SHANK2: variants seen among roughly 807,000 people sequenced by gnomAD.
The protein encoded by SHANK2 is SH3 and multiple ankyrin repeat domains 2, also known as SH3 and multiple ankyrin repeat domains protein 2.
In SHANK2, 43 loss-of-function variants were observed where a neutral mutation model predicts 133.7. That is an observed-to-expected ratio of 0.32 (90% CI 0.25 to 0.41). SHANK2 has a LOEUF of 0.41. Ranked by LOEUF, SHANK2 falls within the 10% of genes least tolerant of loss-of-function variation. The pLI is 1.00. For missense variants in SHANK2, 1,994 were observed against 2,235.8 expected (o/e 0.89, Z 2.18); for synonymous variants, 1,017 against 952.8 (o/e 1.07, Z -1.24).
chr11:70,656,769 C>A (rs1411738012), intron 17 of SHANK2, among the ~76,000 whole-genome samples: 1 of 152,142 alleles, frequency 6.6e-6, no homozygotes, highest in Non-Finnish European at 1.5e-5. Context: ...TCATGAGACT[C>A]CCGATCTGGA....
At chr11:70,743,747 C>T (rs558592369) in intron 14 of SHANK2, among the ~76,000 whole-genome samples, 5 of 152,296 alleles carry the variant, frequency 3.3e-5, no homozygotes, top group African/African-American at 1.2e-4. Flanking sequence ...GCGGGATCCT[C>T]AGATCCTGGT....
chr11:70,930,090 GA>G (rs1171733920), intron 10 of SHANK2, among the ~76,000 whole-genome samples: 1 of 152,230 alleles, frequency 6.6e-6, no homozygotes, highest in Non-Finnish European at 1.5e-5. Context: ...CTATGCTCCA[GA>G]AAATTTTTAT....
At chr11:71,083,980 G>GT (rs1434862532) in intron 8 of SHANK2, among the ~76,000 whole-genome samples, 41 of 9,422 alleles carry the variant, frequency 4.4e-3, no homozygotes, top group Admixed American at 0.037. Context: ...ACTTTTTTTT[G>GT]GGGGGGGGAG....
intron 10 of SHANK2, among the ~76,000 whole-genome samples, chr11:70,933,929 AC>A (rs1565414258): frequency 2.4e-4 from 36 of 150,092 alleles, no homozygotes; most frequent in African/African-American, 8.7e-4. Flanking sequence ...AAACAAACAA[AC>A]AAACAAACAA....
chr11:70,593,051 C>G (rs1024572096), intron 17 of SHANK2, among the ~76,000 whole-genome samples: 3 of 152,210 alleles, frequency 2.0e-5, no homozygotes, highest in African/African-American at 4.8e-5. Flanking sequence ...AAAAACTTCC[C>G]ACGTCTGTCT....
intron 2 of SHANK2, among the ~76,000 whole-genome samples, chr11:71,217,072 T>C (rs905490498): frequency 2.0e-5 from 3 of 151,908 alleles, no homozygotes; most frequent in African/African-American, 7.3e-5. Flanking sequence ...GGTGCATGCC[T>C]CTAAGTCCCA....
chr11:70,525,163 C>A (rs1417416833), intron 17 of SHANK2, among the ~76,000 whole-genome samples: 2 of 152,252 alleles, frequency 1.3e-5, no homozygotes, highest in African/African-American at 4.8e-5. Context: ...GCACCAGCAA[C>A]AGAATCCCAG....
At chr11:70,803,831 C>T (rs1248617681) in intron 13 of SHANK2, among the ~76,000 whole-genome samples, 1 of 150,538 alleles carries the variant, frequency 6.6e-6, no homozygotes, top group African/African-American at 2.4e-5. Flanking sequence ...AAAAAAGGAG[C>T]GTCAGTGGGG....
chr11:70,484,692 C>G (rs189527724), intron 25 of SHANK2, among the ~76,000 whole-genome samples: 1 of 152,322 alleles, frequency 6.6e-6, no homozygotes, highest in East Asian at 1.9e-4. Context: ...GTAAACCCTG[C>G]ACAATACTGT....
chr11:71,247,917 A>T (rs1407850403), intron 1 of SHANK2, among the ~76,000 whole-genome samples: 6 of 152,178 alleles, frequency 3.9e-5, no homozygotes, highest in Admixed American at 1.3e-4. Context: ...TCTGGCAGCC[A>T]ATCGGGGAGC....
chr11:70,933,539 G>A (rs1168050592), intron 10 of SHANK2, among the ~76,000 whole-genome samples: 1 of 152,190 alleles, frequency 6.6e-6, no homozygotes, highest in Non-Finnish European at 1.5e-5. Flanking sequence ...GACTACAGTT[G>A]AGAAAAATAT....
intron 16 of SHANK2, among the ~76,000 whole-genome samples, 193 bp downstream of exon 16, chr11:70,661,403 G>A (rs2061485904): frequency 6.6e-6 from 1 of 152,122 alleles, no homozygotes; most frequent in African/African-American, 2.4e-5. Context: ...AAGGCACAAT[G>A]TGAAGGAACA....
chr11:71,192,709 C>G (rs568301252), intron 2 of SHANK2, among the ~76,000 whole-genome samples: 1 of 152,202 alleles, frequency 6.6e-6, no homozygotes, highest in African/African-American at 2.4e-5. Flanking sequence ...TCAGTCATTA[C>G]TGGAATATTC....
chr11:70,579,201 C>A (rs1209255406), intron 17 of SHANK2, among the ~76,000 whole-genome samples: 1 of 152,212 alleles, frequency 6.6e-6, no homozygotes, highest in Non-Finnish European at 1.5e-5. Context: ...CCCAGTCCAA[C>A]CCTGCCCTGT....
intron 10 of SHANK2, among the ~76,000 whole-genome samples, chr11:70,918,044 T>A (rs1422699800): frequency 1.5e-5 from 2 of 133,314 alleles, no homozygotes; most frequent in African/African-American, 2.9e-5. Context: ...TTTTTTTTTT[T>A]AAATAAGGCC....
intron 17 of SHANK2, among the ~76,000 whole-genome samples, chr11:70,515,667 A>G (rs1330392568): frequency 5.4e-5 from 8 of 147,296 alleles, no homozygotes; most frequent in Admixed American, 3.4e-4. Flanking sequence ...AAAACATTTA[A>G]AAGTTAGCCA....
chr11:71,165,885 G>C (rs1953134941), intron 2 of SHANK2, among the ~76,000 whole-genome samples: 1 of 152,124 alleles, frequency 6.6e-6, no homozygotes, highest in Non-Finnish European at 1.5e-5. Context: ...ACCCAGTGTA[G>C]ACCATGTCCG....
intron 6 of SHANK2, among the ~76,000 whole-genome samples, chr11:71,103,113 T>G (rs1451543138): frequency 1.3e-5 from 2 of 152,198 alleles, no homozygotes; most frequent in East Asian, 3.8e-4. Flanking sequence ...GGCCCCATCC[T>G]CCTAATACCA....
At chr11:70,901,650 A>T (rs1454289465) in intron 10 of SHANK2, among the ~76,000 whole-genome samples, 6 of 152,200 alleles carry the variant, frequency 3.9e-5, no homozygotes, top group African/African-American at 1.4e-4. Flanking sequence ...TGAGGGGGAA[A>T]TGTTAGGGTT....
Sources: allele counts gnomAD v4.1 joint callset (sites outside exome capture counted in the v4.1 genomes callset), GRCh38; gene constraint gnomAD v4.1.1; transcripts MANE v1.5; gene names NCBI Gene and HGNC (gene_info 2026-07-23, HGNC 2026-07-21).